MYO3B: variants seen among roughly 807,000 people sequenced by gnomAD.
The protein encoded by MYO3B is myosin-IIIb.
MYO3B carries 156 observed loss-of-function variants against 174.6 expected under a neutral mutation model. That is an observed-to-expected ratio of 0.89 (90% CI 0.78 to 1.02). MYO3B has a LOEUF of 1.02. MYO3B is among the 50% of genes least tolerant of loss of function. The pLI, the probability that MYO3B is intolerant of heterozygous loss-of-function variation, is 0.00. For synonymous variants in MYO3B, 563 were observed against 569.1 expected, an observed-to-expected ratio of 0.99 and a Z score of 0.15; for missense variants, 1,632 against 1,639.4, an observed-to-expected ratio of 1.00 and a Z score of 0.08.
At chr2:170,624,016 A>C (rs891579136) in intron 32 of MYO3B, among the ~76,000 whole-genome samples, 14 of 152,302 alleles carry the variant, frequency 9.2e-5, no homozygotes, top group Admixed American at 2.6e-4. Flanking sequence ...TGATGCCTCC[A>C]GCTTTGTTCT....
chr2:170,274,341 A>G (rs985544823), intron 7 of MYO3B, among the ~76,000 whole-genome samples: 1 of 152,148 alleles, frequency 6.6e-6, no homozygotes, highest in Non-Finnish European at 1.5e-5. Context: ...ATTCATTGGA[A>G]TGCTTTATCC....
intron 30 of MYO3B, among the ~76,000 whole-genome samples, chr2:170,538,266 A>T (rs1689857180): frequency 6.6e-6 from 1 of 152,366 alleles, no homozygotes; most frequent in African/African-American, 2.4e-5. Flanking sequence ...TCAACCAACT[A>T]GAGAGGGGAA....
At chr2:170,626,666 GT>G (rs1474196995) in intron 32 of MYO3B, among the ~76,000 whole-genome samples, 1 of 152,198 alleles carries the variant, frequency 6.6e-6, no homozygotes, top group African/African-American at 2.4e-5. Flanking sequence ...AATTTGGCAA[GT>G]TTTTGCAGTG....
At chr2:170,363,364 TG>T (rs1558925643) in intron 8 of MYO3B, among the ~76,000 whole-genome samples, 1 of 152,160 alleles carries the variant, frequency 6.6e-6, no homozygotes, top group Non-Finnish European at 1.5e-5. Flanking sequence ...TTTTATTCAT[TG>T]GTAAACAACA....
intron 22 of MYO3B, among the ~76,000 whole-genome samples, chr2:170,421,527 C>T (rs2094614886): frequency 6.6e-6 from 1 of 152,188 alleles, no homozygotes; most frequent in South Asian, 2.1e-4. Context: ...GCCACCCAGC[C>T]CTCTCCAGCC....
At chr2:170,608,228 G>A (rs73030757) in intron 32 of MYO3B, among the ~76,000 whole-genome samples, 2,777 of 152,276 alleles carry the variant, frequency 0.018, 70 homozygotes, top group African/African-American at 0.062. Flanking sequence ...AGTTACAGAC[G>A]TCAGAATGGT....
chr2:170,373,659 AGAGGAAGCAATG>A (rs553380838), intron 9 of MYO3B, among the ~76,000 whole-genome samples: 31 of 152,166 alleles, frequency 2.0e-4, no homozygotes, highest in African/African-American at 7.0e-4. Context: ...GACAGAAGAG[AGAGGAAGCAATG>A]GAGGAAGCAA....
At chr2:170,417,220 C>T (rs2094586515) in intron 22 of MYO3B, among the ~76,000 whole-genome samples, 1 of 152,044 alleles carries the variant, frequency 6.6e-6, no homozygotes, top group African/African-American at 2.4e-5. Context: ...CTCTCTTCCC[C>T]ACTCATTCTA....
chr2:170,279,472 A>T (rs2093489774), intron 7 of MYO3B, among the ~76,000 whole-genome samples: 1 of 151,820 alleles, frequency 6.6e-6, no homozygotes, highest in Non-Finnish European at 1.5e-5. Context: ...TTAAAAAAAA[A>T]AACTTTTAGG....
chr2:170,612,535 G>A (rs1359224532), intron 32 of MYO3B, among the ~76,000 whole-genome samples: 3 of 152,148 alleles, frequency 2.0e-5, no homozygotes, highest in Non-Finnish European at 4.4e-5. Context: ...CACATCCCCA[G>A]TGTGTAGAAC....
intron 32 of MYO3B, among the ~76,000 whole-genome samples, chr2:170,618,556 A>C (rs1029030600): frequency 6.6e-5 from 10 of 152,210 alleles, no homozygotes; most frequent in African/African-American, 2.2e-4. Flanking sequence ...TCAGCAGCCC[A>C]CAATGCAATG....
chr2:170,252,295 A>G (rs2093261917), intron 7 of MYO3B, among the ~76,000 whole-genome samples: 1 of 152,244 alleles, frequency 6.6e-6, no homozygotes, highest in Non-Finnish European at 1.5e-5. Context: ...TGGATTGGTA[A>G]TAATATGCTC....
chr2:170,233,166 C>A (rs890247762), intron 6 of MYO3B, among the ~76,000 whole-genome samples: 2 of 152,200 alleles, frequency 1.3e-5, no homozygotes, highest in African/African-American at 4.8e-5. Context: ...GCTTAGCCAG[C>A]AGTGGTCTCC....
intron 32 of MYO3B, among the ~76,000 whole-genome samples, chr2:170,609,596 C>T (rs538056632): frequency 6.6e-6 from 1 of 152,224 alleles, no homozygotes; most frequent in Non-Finnish European, 1.5e-5. Flanking sequence ...CTCAAACTAG[C>T]GTAGACCAAA....
intron 7 of MYO3B, among the ~76,000 whole-genome samples, chr2:170,309,013 G>A (rs2093719673): frequency 6.6e-6 from 1 of 152,216 alleles, no homozygotes; most frequent in South Asian, 2.1e-4. Flanking sequence ...CAATCAAAAT[G>A]TGTCTTTTGG....
At chr2:170,495,606 C>T (rs1418574910) in intron 25 of MYO3B, among the ~76,000 whole-genome samples, 2 of 151,180 alleles carry the variant, frequency 1.3e-5, no homozygotes, top group South Asian at 2.1e-4. Context: ...CACAGATGTC[C>T]GAAAAATAAG....
intron 7 of MYO3B, among the ~76,000 whole-genome samples, chr2:170,238,829 G>A (rs1306829719): frequency 6.6e-6 from 1 of 152,222 alleles, no homozygotes; most frequent in Admixed American, 6.5e-5. Context: ...TGGTTGATTT[G>A]CCTGTACATG....
At chr2:170,262,388 G>T (rs1188652714) in intron 7 of MYO3B, among the ~76,000 whole-genome samples, 1 of 152,162 alleles carries the variant, frequency 6.6e-6, no homozygotes, top group Non-Finnish European at 1.5e-5. Flanking sequence ...CTGGGGAACT[G>T]GAAGCCATCA....
intron 1 of MYO3B, among the ~76,000 whole-genome samples, chr2:170,195,390 T>C (rs2092587639): frequency 6.6e-6 from 1 of 152,020 alleles, no homozygotes; most frequent in Admixed American, 6.6e-5. Context: ...AGCATCTGAA[T>C]GCCAAGAGGA....
Sources: allele counts gnomAD v4.1 joint callset (sites outside exome capture counted in the v4.1 genomes callset), GRCh38; gene constraint gnomAD v4.1.1; transcripts MANE v1.5; gene names NCBI Gene and HGNC (gene_info 2026-07-23, HGNC 2026-07-21).